LMBR1: variants seen among roughly 807,000 people sequenced by gnomAD.
LMBR1 encodes the protein limb development membrane protein 1, also known as limb region 1 protein homolog.
A neutral mutation model predicts 73.9 loss-of-function variants in LMBR1; 52 were observed. The observed-to-expected ratio is 0.70, with a 90% CI of 0.56 to 0.89. The LOEUF is 0.89. Among genes scored for constraint, LMBR1 ranks in the 40% least tolerant of loss-of-function variants. The pLI is 0.00. For synonymous variants in LMBR1, 215 were observed against 209.4 expected (o/e 1.03, Z -0.23); for missense variants, 539 against 579.8 (o/e 0.93, Z 0.72).
chr7:156,736,421 A>G, intron 9 of LMBR1: 1 of 430,144 alleles, frequency 2.3e-6, no homozygotes, highest in Non-Finnish European at 4.7e-6. Flanking sequence ...TATACTACTT[A>G]AGTGATTTTT....
At position 156,724,152 on chromosome 7, in the gene LMBR1, C is replaced by G. The variant is rs777912895; in HGVS notation, c.1185G>C (p.Leu395Phe). The change falls in exon 15 of 17, where the codon TTG becomes TTC. Residue 395 changes from leucine (L) to phenylalanine (F), a missense_variant. Physicochemically the swap from Leu to Phe is conservative, Grantham distance 22 (BLOSUM62 0). Transcript: ENST00000353442. ...TKIIGNCVSI[L>F]VLSSALPVMS... ...TCACAGGCAGAGCAGAGCTCAAAAC[C>G]AAGATGGACACACAATTTCCAATGA... 6.2e-7 allele frequency: 1 copy of G among 1,610,146 alleles called. No individual in the cohort carries two copies. The highest frequency in any genetic ancestry group is 8.5e-7 in the Non-Finnish European group (1 of 1,177,998).
intron 1 of LMBR1, among the ~76,000 whole-genome samples, chr7:156,887,952 C>G (rs1563633997): frequency 6.6e-6 from 1 of 152,226 alleles, no homozygotes; most frequent in East Asian, 1.9e-4. Context: ...CAAATCAAAT[C>G]CAGCATCAGA....
At chr7:156,692,411 A>G (rs912459906) in intron 15 of LMBR1, among the ~76,000 whole-genome samples, 5 of 152,204 alleles carry the variant, frequency 3.3e-5, no homozygotes, top group Non-Finnish European at 5.9e-5. Flanking sequence ...CTGTGCAAGT[A>G]TATTTTCATG....
chr7:156,708,488 C>T (rs1811435644), intron 15 of LMBR1, among the ~76,000 whole-genome samples: 1 of 152,156 alleles, frequency 6.6e-6, no homozygotes, highest in South Asian at 2.1e-4. Context: ...TGTAGGCTCT[C>T]CCAGTCTCCA....
chr7:156,673,335 T>C (rs1167750051), downstream of LMBR1, among the ~76,000 whole-genome samples: 1 of 152,238 alleles, frequency 6.6e-6, no homozygotes, highest in East Asian at 1.9e-4. Flanking sequence ...TGGAGGTAAC[T>C]GTGTATATTT....
At chr7:156,764,105 G>C (rs1823645647) in intron 5 of LMBR1, among the ~76,000 whole-genome samples, 1 of 152,144 alleles carries the variant, frequency 6.6e-6, no homozygotes, top group African/African-American at 2.4e-5. Flanking sequence ...TTCTATCCGT[G>C]ATTCTAATCA....
chr7:156,677,272 A>G (rs969246222), downstream of LMBR1: 4 of 152,440 alleles, frequency 2.6e-5, no homozygotes, highest in Non-Finnish European at 5.9e-5. Flanking sequence ...AACCAGTTAC[A>G]GTCTCATCGG....
At chr7:156,760,210 C>T (rs570476476) in intron 8 of LMBR1, among the ~76,000 whole-genome samples, 13 of 152,270 alleles carry the variant, frequency 8.5e-5, no homozygotes, top group Non-Finnish European at 1.5e-4. Context: ...GAGAGCTGAA[C>T]ACACTGACAT....
chr7:156,697,908 T>G (rs1360350781), intron 15 of LMBR1, among the ~76,000 whole-genome samples: 2 of 152,212 alleles, frequency 1.3e-5, no homozygotes, highest in African/African-American at 4.8e-5. Context: ...AAAGTATTAT[T>G]TGGGAACTGA....
chr7:156,749,966 G>C (rs567109688), intron 9 of LMBR1, among the ~76,000 whole-genome samples: 7 of 152,154 alleles, frequency 4.6e-5, no homozygotes, highest in Admixed American at 2.0e-4. Flanking sequence ...TGGGATTACA[G>C]GTGTGAACCA....
At chr7:156,729,137 C>T (rs1344230649) in intron 10 of LMBR1, among the ~76,000 whole-genome samples, 1 of 152,126 alleles carries the variant, frequency 6.6e-6, no homozygotes, top group Non-Finnish European at 1.5e-5. Flanking sequence ...AACTACGATA[C>T]CCAGACAAAA....
intron 9 of LMBR1, among the ~76,000 whole-genome samples, chr7:156,741,197 C>T (rs1818826952): frequency 6.6e-6 from 1 of 151,884 alleles, no homozygotes; most frequent in African/African-American, 2.4e-5. Flanking sequence ...ATCCTACAAC[C>T]AGAGAAAATA....
chr7:156,703,037 C>G (rs1047440016), intron 15 of LMBR1, among the ~76,000 whole-genome samples: 1 of 152,250 alleles, frequency 6.6e-6, no homozygotes, highest in East Asian at 1.9e-4. Context: ...GTCCACTTTC[C>G]CTGGGAAACT....
At chr7:156,858,103 A>G (rs1437818294) in intron 1 of LMBR1, among the ~76,000 whole-genome samples, 1 of 151,536 alleles carries the variant, frequency 6.6e-6, no homozygotes, top group Non-Finnish European at 1.5e-5. Flanking sequence ...TAAAAAAAGC[A>G]CAAATTAATG....
At chr7:156,873,363 G>A (rs1233861443) in intron 1 of LMBR1, among the ~76,000 whole-genome samples, 1 of 152,184 alleles carries the variant, frequency 6.6e-6, no homozygotes, top group Non-Finnish European at 1.5e-5. Context: ...TTCGCGGTGA[G>A]TGTTACAGCT....
intron 15 of LMBR1, among the ~76,000 whole-genome samples, chr7:156,719,175 C>G (rs1273064000): frequency 2.1e-5 from 3 of 141,960 alleles, no homozygotes; most frequent in Admixed American, 7.3e-5. Flanking sequence ...TGTTCCCCTT[C>G]CTCTGTCCAT....
intron 8 of LMBR1, among the ~76,000 whole-genome samples, chr7:156,761,261 C>G (rs2132883469): frequency 6.6e-6 from 1 of 152,288 alleles, no homozygotes; most frequent in South Asian, 2.1e-4. Context: ...AAATAAGTGA[C>G]AGATTTCCTA....
chr7:156,703,155 G>A (rs143556432), intron 15 of LMBR1, among the ~76,000 whole-genome samples: 1 of 152,334 alleles, frequency 6.6e-6, no homozygotes, highest in East Asian at 1.9e-4. Flanking sequence ...TGTGTCCTAT[G>A]TGCTCTCTCA....
chr7:156,761,177 T>C (rs1030358817), intron 8 of LMBR1, among the ~76,000 whole-genome samples: 1 of 152,222 alleles, frequency 6.6e-6, no homozygotes, highest in African/African-American at 2.4e-5. Context: ...AAACTGAGTG[T>C]GGACCAGGCT....
Sources: allele counts gnomAD v4.1 joint callset (sites outside exome capture counted in the v4.1 genomes callset), GRCh38; gene constraint gnomAD v4.1.1; transcripts MANE v1.5; gene names NCBI Gene and HGNC (gene_info 2026-07-23, HGNC 2026-07-21).